NRG3: variants seen among roughly 807,000 people sequenced by gnomAD.
The protein encoded by NRG3 is neuregulin 3.
A neutral mutation model predicts 66.9 loss-of-function variants in NRG3; 31 were observed. That is an observed-to-expected ratio of 0.46 (90% CI 0.35 to 0.63). The LOEUF (loss-of-function observed/expected upper bound fraction) is 0.63, where lower values mean the gene tolerates loss of function less well. NRG3 is among the 20% of genes least tolerant of loss of function. NRG3 has a pLI of 0.00. For missense variants in NRG3, 910 were observed against 878.9 expected (o/e 1.04, Z -0.45); for synonymous variants, 393 against 359.4 (o/e 1.09, Z -1.06).
intron 1 of NRG3, among the ~76,000 whole-genome samples, chr10:82,048,217 A>G (rs2063405010): frequency 6.6e-6 from 1 of 152,154 alleles, no homozygotes; most frequent in Admixed American, 6.6e-5. Flanking sequence ...AAGGATACCC[A>G]GGAATTGAGC....
At chr10:82,677,062 C>CT (rs34914984) in intron 2 of NRG3, among the ~76,000 whole-genome samples, 5,105 of 135,256 alleles carry the variant, frequency 0.038, 254 homozygotes, top group African/African-American at 0.12. Context: ...CTCTCTCTCT[C>CT]TTTTTTTTTT....
At chr10:82,676,239 G>C (rs1339037930) in intron 2 of NRG3, among the ~76,000 whole-genome samples, 2 of 151,846 alleles carry the variant, frequency 1.3e-5, no homozygotes, top group Non-Finnish European at 2.9e-5. Flanking sequence ...CATCAAAATT[G>C]AACTTCTGTC....
intron 1 of NRG3, among the ~76,000 whole-genome samples, chr10:82,116,582 C>T (rs545928687): frequency 6.6e-6 from 1 of 152,246 alleles, no homozygotes; most frequent in East Asian, 1.9e-4. Context: ...ATAACGAAAG[C>T]TTGCTCATTT....
At chr10:82,499,922 G>T (rs948816984) in intron 2 of NRG3, among the ~76,000 whole-genome samples, 4 of 152,146 alleles carry the variant, frequency 2.6e-5, no homozygotes, top group African/African-American at 9.7e-5. Flanking sequence ...ATAGAATGAA[G>T]ACTAGAAAAC....
intron 4 of NRG3, among the ~76,000 whole-genome samples, chr10:82,901,381 G>A (rs556030292): frequency 5.3e-5 from 8 of 152,078 alleles, no homozygotes; most frequent in South Asian, 2.1e-4. Context: ...GATCCAAGTC[G>A]CTCCAACCTT....
chr10:81,897,677 G>C (rs1843650860), intron 1 of NRG3, among the ~76,000 whole-genome samples: 1 of 152,140 alleles, frequency 6.6e-6, no homozygotes, highest in Admixed American at 6.5e-5. Context: ...AGGTGTGCAA[G>C]TGAACCTTTT....
rs2132721472 is a variant in NRG3 at position 82,986,881 on chromosome 10, GGT to G, written c.*1277_*1278del. On this transcript the variant is annotated 3_prime_UTR_variant, in exon 9 of 9. Coordinates refer to ENST00000372141, the MANE Select transcript of NRG3 (RefSeq NM_001010848.4). ...TGTGGACCAAGGCTTCGGCTTCTGT[GGT>G]TAGTATGGGAAGAATAAATTGTTGA... The G allele has an allele frequency of 6.6e-6, 1 of 152,204 alleles. No individual in the cohort carries two copies. The highest frequency in any genetic ancestry group is 1.5e-5 in the Non-Finnish European group (1 of 68,004). The allele number at this position is 152,204 out of a possible 1,614,324, so 9.4% of individuals were successfully genotyped here.
At chr10:82,688,871 T>C (rs1235419462) in intron 2 of NRG3, among the ~76,000 whole-genome samples, 2 of 152,148 alleles carry the variant, frequency 1.3e-5, no homozygotes, top group African/African-American at 2.4e-5. Context: ...TTACTGCTCC[T>C]GATAGATTTT....
intron 1 of NRG3, chr10:82,232,959 C>CCTGG: frequency 1.5e-6 from 1 of 645,228 alleles, no homozygotes; most frequent in Non-Finnish European, 2.9e-6. Context: ...GGTACCTGGC[C>CCTGG]CTGGGTTGCT....
chr10:82,644,980 C>G (rs1233186002), intron 2 of NRG3, among the ~76,000 whole-genome samples: 1 of 152,104 alleles, frequency 6.6e-6, no homozygotes, highest in Non-Finnish European at 1.5e-5. Context: ...GAAGTAATGC[C>G]TGCATGTTTT....
intron 2 of NRG3, among the ~76,000 whole-genome samples, chr10:82,384,432 A>G (rs2085841291): frequency 6.6e-6 from 1 of 151,488 alleles, no homozygotes; most frequent in African/African-American, 2.4e-5. Context: ...GATCCTCCCA[A>G]CCCCCACCCT....
chr10:82,846,130 TAGAG>T (rs1400935033), intron 3 of NRG3, among the ~76,000 whole-genome samples: 1 of 152,122 alleles, frequency 6.6e-6, no homozygotes, highest in Admixed American at 6.6e-5. Flanking sequence ...CAGGACAACT[TAGAG>T]AACTGAAAAT....
At chr10:82,735,151 A>G (rs577876386) in intron 2 of NRG3, among the ~76,000 whole-genome samples, 2 of 152,306 alleles carry the variant, frequency 1.3e-5, no homozygotes, top group African/African-American at 4.8e-5. Flanking sequence ...GACTTTTTTA[A>G]AAACAATTAC....
intron 2 of NRG3, among the ~76,000 whole-genome samples, chr10:82,473,682 C>T (rs775399709): frequency 1.3e-5 from 2 of 152,120 alleles, no homozygotes; most frequent in Non-Finnish European, 2.9e-5. Flanking sequence ...AGTTGGTGGC[C>T]CAGTCCTCAG....
At chr10:82,420,855 T>C (rs1273449229) in intron 2 of NRG3, among the ~76,000 whole-genome samples, 1 of 152,204 alleles carries the variant, frequency 6.6e-6, no homozygotes, top group Non-Finnish European at 1.5e-5. Flanking sequence ...ATGTGCAATC[T>C]GGATAAATCT....
At chr10:82,129,379 G>T (rs1180829555) in intron 1 of NRG3, among the ~76,000 whole-genome samples, 6 of 152,004 alleles carry the variant, frequency 3.9e-5, no homozygotes, top group African/African-American at 1.2e-4. Context: ...CTTTCATTCT[G>T]GTTTCCTTAT....
intron 1 of NRG3, among the ~76,000 whole-genome samples, chr10:82,246,632 C>T (rs1005404500): frequency 6.6e-6 from 1 of 151,768 alleles, no homozygotes; most frequent in African/African-American, 2.4e-5. Flanking sequence ...GAAGTTTGAC[C>T]AAAAGAGGGG....
chr10:82,308,290 T>C (rs1042733484), intron 1 of NRG3, among the ~76,000 whole-genome samples: 3 of 152,114 alleles, frequency 2.0e-5, no homozygotes, highest in African/African-American at 7.2e-5. Context: ...GGTTCCACCA[T>C]GTTGGCCAGG....
intron 1 of NRG3, among the ~76,000 whole-genome samples, chr10:81,968,633 A>C (rs776113979): frequency 6.6e-6 from 1 of 152,222 alleles, no homozygotes; most frequent in Non-Finnish European, 1.5e-5. Flanking sequence ...AGCATACTTT[A>C]TTTAACAACT....
Sources: allele counts gnomAD v4.1 joint callset (sites outside exome capture counted in the v4.1 genomes callset), GRCh38; gene constraint gnomAD v4.1.1; transcripts MANE v1.5; gene names NCBI Gene and HGNC (gene_info 2026-07-23, HGNC 2026-07-21).